The following SLC20A2 variants were observed in gnomAD, a reference collection of about 807,000 sequenced individuals.
SLC20A2 encodes the protein sodium-dependent phosphate transporter 2.
SLC20A2 carries 30 observed loss-of-function variants against 61.0 expected under a neutral mutation model. The observed-to-expected ratio is 0.49, with a 90% CI of 0.37 to 0.67. The LOEUF is 0.67. SLC20A2 is among the 30% of genes least tolerant of loss of function. The pLI is 0.00. For synonymous variants in SLC20A2, 351 were observed against 353.3 expected (o/e 0.99, Z 0.07); for missense variants, 626 against 866.4 (o/e 0.72, Z 3.48).
Position 42,465,189 on chromosome 8 carries a change from C to T in SLC20A2, c.430+588G>A, listed in dbSNP as rs1807058125. Among the ~76,000 whole-genome samples the T allele has an allele frequency of 2.0e-5, 3 of 151,660 alleles. No homozygotes were observed. The South Asian group carries it at 6.3e-4, about 32-fold the overall frequency. ...TCTCCTGCCTCAGCCTCCCTAGTAG[C>T]TGGGATTACAGGTACCTGCCATCAT... On this transcript the variant is annotated intron_variant, in intron 3 of 10. Coordinates refer to ENST00000520262, the MANE Select transcript of SLC20A2 (RefSeq NM_001257180.2).
chr8:42,462,973 A>G, intron 4 of SLC20A2, 32 bp downstream of exon 4: 1 of 1,368,076 alleles, frequency 7.3e-7, no homozygotes. Context: ...AATAGTTCTT[A>G]AGATTTAATT....
chr8:42,537,085 A>AG (rs1812754469), intron 1 of SLC20A2, among the ~76,000 whole-genome samples: 1 of 151,864 alleles, frequency 6.6e-6, no homozygotes, highest in East Asian at 1.9e-4. Flanking sequence ...AAAAAAAAAA[A>AG]AAGATTCTAC....
At chr8:42,464,154 C>G (rs1806960353) in intron 3 of SLC20A2, among the ~76,000 whole-genome samples, 2 of 115,096 alleles carry the variant, frequency 1.7e-5, no homozygotes, top group Non-Finnish European at 3.3e-5. Flanking sequence ...CACCCAGGGG[C>G]TGGAGTGCAG....
At chr8:42,474,494 G>A (rs1586146266) in intron 1 of SLC20A2, among the ~76,000 whole-genome samples, 1 of 151,794 alleles carries the variant, frequency 6.6e-6, no homozygotes, top group African/African-American at 2.4e-5. Flanking sequence ...CCACTCTAAG[G>A]GCAAAAGACA....
At position 42,465,852 on chromosome 8, in the gene SLC20A2, C is replaced by T. The variant is rs557311431; in HGVS notation, c.355G>A (p.Val119Met). The T allele has an allele frequency of 6.2e-7, 1 of 1,614,016 alleles. No homozygotes were observed. The highest frequency in any genetic ancestry group is 1.7e-5 in the Admixed American group (1 of 60,010). ...RLPISGTHCIVGSTIGFSLVA... is the reference protein window; with the variant it reads ...RLPISGTHCIMGSTIGFSLVA... ...AGTGAGAATCCTATAGTAGAACCCA[C>T]AATGCAGTGCGTTCCTGAGATTGGA... The change falls in exon 3 of 11, where the codon GTG becomes ATG. Residue 119 changes from valine to methionine, a missense_variant. Around this residue, in one of 3 missense-constraint regions of SLC20A2, gnomAD observed 127 missense variants for 215.4 expected, o/e 0.59. Transcript: ENST00000520262.
chr8:42,466,345 C>G lies in SLC20A2; in HGVS notation c.290-428G>C, dbSNP rs540502820. Among the ~76,000 whole-genome samples the G allele has an allele frequency of 1.1e-4, 17 of 152,298 alleles. No homozygotes were observed. The South Asian group carries it at 3.5e-3, about 32-fold the overall frequency. On this transcript the variant is annotated intron_variant, in intron 2 of 10. Coordinates refer to ENST00000520262, the MANE Select transcript of SLC20A2 (RefSeq NM_001257180.2). ...AAGTGATCTACCCGCCTTGGCCTCC[C>G]AAAGTGCTGGGATTACATGCGTGAG...
At chr8:42,493,729 A>C (rs1809694318) in intron 1 of SLC20A2, among the ~76,000 whole-genome samples, 1 of 152,100 alleles carries the variant, frequency 6.6e-6, no homozygotes, top group African/African-American at 2.4e-5. Context: ...TACCTCTAAT[A>C]CTCCAGAATT....
intron 5 of SLC20A2, among the ~76,000 whole-genome samples, chr8:42,445,240 C>T (rs552755038): frequency 2.9e-4 from 44 of 151,248 alleles, no homozygotes; most frequent in African/African-American, 1.0e-3. Context: ...TGCAGTGAGC[C>T]GAGATTGCAC....
intron 1 of SLC20A2, among the ~76,000 whole-genome samples, chr8:42,520,323 C>T (rs905099938): frequency 1.8e-4 from 28 of 151,390 alleles, no homozygotes; most frequent in Non-Finnish European, 3.7e-4. Flanking sequence ...CTCTTTATGC[C>T]CATCTTTATA....
chr8:42,474,398 A>C (rs1174331350), intron 1 of SLC20A2, among the ~76,000 whole-genome samples: 2 of 152,188 alleles, frequency 1.3e-5, no homozygotes, highest in Non-Finnish European at 2.9e-5. Context: ...AACAGAAAAT[A>C]TACATTGATA....
intron 1 of SLC20A2, among the ~76,000 whole-genome samples, chr8:42,492,129 G>A (rs1477662911): frequency 6.6e-6 from 1 of 152,160 alleles, no homozygotes; most frequent in Non-Finnish European, 1.5e-5. Context: ...GGCCGAGGTG[G>A]GTGGATCACG....
chr8:42,489,463 C>T (rs1161825286), intron 1 of SLC20A2, among the ~76,000 whole-genome samples: 2 of 139,502 alleles, frequency 1.4e-5, no homozygotes, highest in South Asian at 2.5e-4. Context: ...GTGTTTCACA[C>T]GAGCTAGTTT....
Position 42,417,753 on chromosome 8 carries a change from C to T in SLC20A2, c.*50G>A, listed in dbSNP as rs765925049. On this transcript the variant is annotated 3_prime_UTR_variant, in exon 11 of 11. Coordinates refer to ENST00000520262, the MANE Select transcript of SLC20A2 (RefSeq NM_001257180.2). The stretch of plus-strand genomic sequence containing the variant: ...GGCACGAGCACACATGTCTCCCACA[C>T]GCCAACACCAGACCATCCCTTTAGC... 22 of 1,595,904 alleles carry T rather than the reference C, an allele frequency of 1.4e-5. No homozygotes were observed. The highest frequency in any genetic ancestry group is 5.5e-5 in the South Asian group (5 of 90,668).
intron 1 of SLC20A2, among the ~76,000 whole-genome samples, chr8:42,475,556 C>A (rs1808015257): frequency 6.6e-6 from 1 of 151,952 alleles, no homozygotes; most frequent in Non-Finnish European, 1.5e-5. Flanking sequence ...ATTACAGGCA[C>A]CCGCCATCAT....
At chr8:42,496,933 G>C (rs1809975134) in intron 1 of SLC20A2, among the ~76,000 whole-genome samples, 1 of 152,218 alleles carries the variant, frequency 6.6e-6, no homozygotes, top group Non-Finnish European at 1.5e-5. Context: ...CGCTACCTCT[G>C]CCCAGATCCC....
At chr8:42,478,217 T>C (rs923256684) in intron 1 of SLC20A2, among the ~76,000 whole-genome samples, 2 of 148,566 alleles carry the variant, frequency 1.3e-5, no homozygotes, top group Non-Finnish European at 3.0e-5. Flanking sequence ...CTTTTCTTTT[T>C]TTTTTTTTTT....
intron 1 of SLC20A2, among the ~76,000 whole-genome samples, chr8:42,486,076 C>T (rs189250332): frequency 4.0e-5 from 6 of 151,728 alleles, no homozygotes; most frequent in Admixed American, 2.6e-4. Context: ...GAAAGAAAAA[C>T]GAATATGTAA....
intron 6 of SLC20A2, among the ~76,000 whole-genome samples, chr8:42,443,554 T>C (rs1245165395): frequency 6.6e-6 from 1 of 151,890 alleles, no homozygotes; most frequent in Non-Finnish European, 1.5e-5. Context: ...ACCAACGAAC[T>C]CCTGACCTCA....
intron 1 of SLC20A2, among the ~76,000 whole-genome samples, chr8:42,490,589 T>C (rs968488946): frequency 3.9e-5 from 6 of 152,084 alleles, no homozygotes; most frequent in Admixed American, 2.0e-4. Flanking sequence ...AGAGTAAGAC[T>C]CCGTTTCAAA....
Sources: gnomAD v4.1 joint callset for allele counts (sites outside exome capture counted in the v4.1 genomes callset) on GRCh38, gnomAD v4.1.1 for gene constraint, gnomAD v4.1.1 regional missense constraint, MANE v1.5 for transcripts, NCBI Gene and HGNC (gene_info 2026-07-23, HGNC 2026-07-21) for gene names.